Variants in ESR1 observed in about 807,000 individuals in gnomAD.
The protein encoded by ESR1 is estrogen receptor 1.
Under a neutral mutation model 52.7 loss-of-function variants are expected in ESR1, and 12 were observed. That is an observed-to-expected ratio of 0.23 (90% CI 0.15 to 0.37). The LOEUF (loss-of-function observed/expected upper bound fraction) is 0.37. Among genes scored for constraint, ESR1 ranks in the 10% least tolerant of loss-of-function variants. ESR1 has a pLI of 1.00. For synonymous variants in ESR1, 305 were observed against 316.8 expected, an observed-to-expected ratio of 0.96 and a Z score of 0.39; for missense variants, 584 against 779.7, an observed-to-expected ratio of 0.75 and a Z score of 2.99.
chr6:152,105,758 G>C (rs1371456483), downstream of ESR1, among the ~76,000 whole-genome samples: 3 of 143,530 alleles, frequency 2.1e-5, no homozygotes, highest in Non-Finnish European at 4.5e-5. Flanking sequence ...TTTTCTTAGT[G>C]ATTGCTCAGT....
rs527477401 is a variant in ESR1 at position 151,845,395 on chromosome 6, C to A, written c.643+2608C>A. 3.9e-5 allele frequency among the ~76,000 whole-genome samples: 6 copies of A among 152,144 alleles called. No individual in the cohort carries two copies. The East Asian group carries it at 1.2e-3, about 29-fold the overall frequency. On this transcript the variant is annotated intron_variant, in intron 2 of 7. Coordinates refer to ENST00000206249, the MANE Select transcript of ESR1 (RefSeq NM_000125.4). The stretch of plus-strand genomic sequence containing the variant: ...ACCATCCTGGCCAACATGGTGAAAC[C>A]CCATCTCTACTAAAAATATGAAAAT...
chr6:151,942,801 A>G (rs1411051886), intron 3 of ESR1, among the ~76,000 whole-genome samples: 1 of 152,200 alleles, frequency 6.6e-6, no homozygotes, highest in Non-Finnish European at 1.5e-5. Flanking sequence ...GATATTAAAA[A>G]TAGTTGTATT....
chr6:151,912,086 G>A (rs1798352337), intron 3 of ESR1, among the ~76,000 whole-genome samples: 1 of 152,224 alleles, frequency 6.6e-6, no homozygotes, highest in Admixed American at 6.5e-5. Context: ...TTTGGGCAGT[G>A]CTACTATACA....
rs181832855 is a variant in ESR1, at chr6:151,727,964, C to T, written c.-71+25959C>T. ...TCTTTATAAATTACCCAGTCTCAGG[C>T]AGTTCTTCATAGCAGCGTGAAAATT... On this transcript the variant is annotated intron_variant, in intron 2 of 2. Transcript: ENST00000404742. 2.2e-3 allele frequency among the ~76,000 whole-genome samples: 331 copies of T among 152,302 alleles called. 1 individual carries two copies. Among genetic ancestry groups the T allele is most frequent in the South Asian group, 3.9e-3 (19 of 4,824 alleles).
intron 5 of ESR1, among the ~76,000 whole-genome samples, chr6:152,028,598 C>G (rs6557184): frequency 0.45 from 68,318 of 151,996 alleles, 17,609 homozygotes; most frequent in African/African-American, 0.7. Context: ...GGCTAGGGGA[C>G]GGGCGCCTGC....
intron 4 of ESR1, among the ~76,000 whole-genome samples, chr6:152,003,613 T>C (rs1441679981): frequency 1.3e-5 from 2 of 151,920 alleles, no homozygotes; most frequent in Non-Finnish European, 2.9e-5. Flanking sequence ...TCTTATTAGG[T>C]AACAAATAGG....
intron 1 of ESR1, among the ~76,000 whole-genome samples, chr6:151,677,538 T>G (rs1425750604): frequency 1.3e-5 from 2 of 152,238 alleles, no homozygotes; most frequent in Non-Finnish European, 2.9e-5. Context: ...TAGTATTCAC[T>G]CAGTTTGCAT....
intron 2 of ESR1, among the ~76,000 whole-genome samples, chr6:151,861,507 G>A (rs1788880541): frequency 6.6e-6 from 1 of 152,154 alleles, no homozygotes; most frequent in African/African-American, 2.4e-5. Flanking sequence ...GTACTTTTCT[G>A]TTCCGCAGAT....
At chr6:151,706,704 C>T (rs1780210569) in intron 2 of ESR1, among the ~76,000 whole-genome samples, 2 of 152,176 alleles carry the variant, frequency 1.3e-5, no homozygotes, top group Non-Finnish European at 2.9e-5. Context: ...ATCCTTTCTA[C>T]TCAGGAGGAG....
At chr6:152,091,728 G>A (rs1032896189) in intron 6 of ESR1, among the ~76,000 whole-genome samples, 4 of 152,040 alleles carry the variant, frequency 2.6e-5, no homozygotes, top group South Asian at 2.1e-4. Flanking sequence ...GTCCCAGCAC[G>A]GTGTGCCTTC....
At chr6:151,926,004 C>A (rs1193117246) in intron 3 of ESR1, among the ~76,000 whole-genome samples, 1 of 152,042 alleles carries the variant, frequency 6.6e-6, no homozygotes, top group East Asian at 1.9e-4. Flanking sequence ...ATAAGTTTTT[C>A]TTTTTCCACA....
At chr6:151,871,450 C>T (rs1029469397) in intron 2 of ESR1, among the ~76,000 whole-genome samples, 3 of 152,096 alleles carry the variant, frequency 2.0e-5, no homozygotes, top group African/African-American at 7.2e-5. Context: ...GTCGCCCAGG[C>T]TGGAGTGCAG....
intron 2 of ESR1, among the ~76,000 whole-genome samples, chr6:151,703,387 TG>T (rs150340204): frequency 1.2e-3 from 176 of 152,300 alleles, no homozygotes; most frequent in Non-Finnish European, 1.9e-3. Flanking sequence ...TGCAAGGGCA[TG>T]GCTGACTGCA....
chr6:152,057,229 A>G (rs779586340), intron 5 of ESR1, among the ~76,000 whole-genome samples: 2 of 152,146 alleles, frequency 1.3e-5, no homozygotes, highest in Non-Finnish European at 2.9e-5. Context: ...CTTTTTCACT[A>G]GCTCACGTGG....
At chr6:151,705,891 C>G (rs1365768359) in intron 2 of ESR1, among the ~76,000 whole-genome samples, 1 of 152,200 alleles carries the variant, frequency 6.6e-6, no homozygotes, top group Non-Finnish European at 1.5e-5. Context: ...CTAAAAGATT[C>G]AGCTGGTTTA....
At chr6:151,716,670 A>C (rs1582997397) in intron 2 of ESR1, among the ~76,000 whole-genome samples, 1 of 152,138 alleles carries the variant, frequency 6.6e-6, no homozygotes, top group African/African-American at 2.4e-5. Flanking sequence ...GTAATGGCGG[A>C]TGCCCCTCCC....
intron 2 of ESR1, among the ~76,000 whole-genome samples, chr6:151,844,703 C>T (rs1784834588): frequency 6.6e-6 from 1 of 151,996 alleles, no homozygotes; most frequent in African/African-American, 2.4e-5. Context: ...ATCTAAATAC[C>T]TTTATTTATG....
At chr6:151,931,914 C>G (rs931624149) in intron 3 of ESR1, among the ~76,000 whole-genome samples, 3 of 144,608 alleles carry the variant, frequency 2.1e-5, no homozygotes, top group Admixed American at 6.9e-5. Context: ...AATAAACATA[C>G]GTGTGCATGT....
intron 2 of ESR1, among the ~76,000 whole-genome samples, chr6:151,720,838 A>T (rs915853238): frequency 3.9e-5 from 6 of 152,222 alleles, no homozygotes; most frequent in Admixed American, 2.6e-4. Flanking sequence ...TTGTCCTTGT[A>T]AGGACATAAT....
Sources: allele counts gnomAD v4.1 joint callset (sites outside exome capture counted in the v4.1 genomes callset), GRCh38; gene constraint gnomAD v4.1.1; transcripts MANE v1.5; gene names NCBI Gene and HGNC (gene_info 2026-07-23, HGNC 2026-07-21).